Variants in GNA14 observed in about 807,000 individuals in gnomAD.
The protein encoded by GNA14 is guanine nucleotide-binding protein subunit alpha-14.
A neutral mutation model predicts 42.0 loss-of-function variants in GNA14; 50 were observed. The ratio of observed to expected loss-of-function variants is 1.19; its 90% confidence interval spans 0.95 to 1.51. The LOEUF (loss-of-function observed/expected upper bound fraction) is 1.51. GNA14 is among the 40% of genes most tolerant of loss of function. The pLI is 0.00. For synonymous variants in GNA14, 173 were observed against 163.1 expected (o/e 1.06, Z -0.46); for missense variants, 473 against 446.2 (o/e 1.06, Z -0.54).
At chr9:77,464,327 A>ATATATGTGTGTGTGTGTGTG (rs1465420274) in intron 2 of GNA14, among the ~76,000 whole-genome samples, 1 of 145,542 alleles carries the variant, frequency 6.9e-6, no homozygotes, top group East Asian at 2.1e-4. Flanking sequence ...GTGTGTGTAT[A>ATATATGTGTGTGTGTGTGTG]TATATGTGTG....
chr9:77,498,595 A>T (rs1331104288), intron 2 of GNA14, among the ~76,000 whole-genome samples: 6 of 152,168 alleles, frequency 3.9e-5, no homozygotes, highest in Admixed American at 3.9e-4. Flanking sequence ...AGTGCTCAAC[A>T]TGATGCCTGG....
intron 1 of GNA14, among the ~76,000 whole-genome samples, chr9:77,563,430 G>A (rs992933065): frequency 6.6e-6 from 1 of 152,168 alleles, no homozygotes; most frequent in Non-Finnish European, 1.5e-5. Context: ...ATGGCTGTAA[G>A]TCTTGCCAAA....
intron 1 of GNA14, among the ~76,000 whole-genome samples, chr9:77,534,237 T>C (rs975718466): frequency 1.3e-5 from 2 of 152,256 alleles, no homozygotes; most frequent in African/African-American, 4.8e-5. Flanking sequence ...ATGTGAAATT[T>C]ACCCGTTTAC....
intron 1 of GNA14, among the ~76,000 whole-genome samples, chr9:77,556,502 C>A (rs1487786793): frequency 6.6e-6 from 1 of 152,086 alleles, no homozygotes; most frequent in African/African-American, 2.4e-5. Context: ...AAAATGCATT[C>A]ATTATAAAGC....
At chr9:77,474,880 GA>G (rs1182395958) in intron 2 of GNA14, among the ~76,000 whole-genome samples, 1 of 152,020 alleles carries the variant, frequency 6.6e-6, no homozygotes, top group African/African-American at 2.4e-5. Flanking sequence ...TATGCTAAGT[GA>G]AAAAATCCAG....
At chr9:77,591,634 T>C (rs1427922284) in intron 1 of GNA14, among the ~76,000 whole-genome samples, 1 of 152,224 alleles carries the variant, frequency 6.6e-6, no homozygotes, top group Non-Finnish European at 1.5e-5. Flanking sequence ...TTCAGTACAG[T>C]AGTATGTCAT....
intron 1 of GNA14, among the ~76,000 whole-genome samples, chr9:77,562,764 T>G (rs751352505): frequency 6.6e-6 from 1 of 152,254 alleles, no homozygotes; most frequent in Non-Finnish European, 1.5e-5. Context: ...AATAACTTTA[T>G]GTTTAAAATT....
chr9:77,538,713 ATTTC>A (rs751396458), intron 1 of GNA14, among the ~76,000 whole-genome samples: 1 of 151,678 alleles, frequency 6.6e-6, no homozygotes, highest in Non-Finnish European at 1.5e-5. Flanking sequence ...TGCTTTCTTG[ATTTC>A]TTTTTCAGCT....
chr9:77,618,260 T>C (rs1421901795), intron 1 of GNA14, among the ~76,000 whole-genome samples: 1 of 152,126 alleles, frequency 6.6e-6, no homozygotes, highest in Non-Finnish European at 1.5e-5. Flanking sequence ...ATCATTTCAT[T>C]GTTGAATTAG....
At chr9:77,626,717 T>A (rs887619316) in intron 1 of GNA14, among the ~76,000 whole-genome samples, 16 of 152,302 alleles carry the variant, frequency 1.1e-4, no homozygotes, top group African/African-American at 3.8e-4. Context: ...CCAGAATCTC[T>A]GGGATACAGC....
rs563929517 is a variant in GNA14 at position 77,499,619 on chromosome 9, G to T, written c.309+29450C>A. Among the ~76,000 whole-genome samples the T allele has an allele frequency of 7.9e-5, 12 of 152,212 alleles. No individual in the cohort carries two copies. The South Asian group carries it at 2.3e-3, about 29-fold the overall frequency. ...TAATCCCAGCATTTTGGGAGGCTGAGGGGGGTGGATCAGCTGAGGCCAGGA... is the reference window on the plus strand; with the variant it reads ...TAATCCCAGCATTTTGGGAGGCTGATGGGGGTGGATCAGCTGAGGCCAGGA... On this transcript the variant is annotated intron_variant, in intron 2 of 6. Coordinates refer to ENST00000341700, the MANE Select transcript of GNA14 (RefSeq NM_004297.4).
chr9:77,574,170 A>C (rs1423326507), intron 1 of GNA14, among the ~76,000 whole-genome samples: 1 of 152,116 alleles, frequency 6.6e-6, no homozygotes, highest in Non-Finnish European at 1.5e-5. Context: ...AAGAGAGAGG[A>C]CCTACAGGAA....
intron 2 of GNA14, among the ~76,000 whole-genome samples, chr9:77,469,365 TAAAAAAAAA>T (rs10537760): frequency 3.4e-5 from 4 of 116,934 alleles, no homozygotes; most frequent in East Asian, 2.6e-4. Flanking sequence ...TAAACTGTGT[TAAAAAAAAA>T]AAAAAAAAAA....
At chr9:77,436,783 T>C (rs1388819503) in intron 2 of GNA14, among the ~76,000 whole-genome samples, 2 of 152,226 alleles carry the variant, frequency 1.3e-5, no homozygotes, top group Non-Finnish European at 2.9e-5. Flanking sequence ...CCTAGTGCAG[T>C]GCCTTCTATT....
Position 77,425,578 on chromosome 9 carries a change from A to G in GNA14, c.861T>C (p.Tyr287=), listed in dbSNP as rs371904055. 6.1e-5 allele frequency: 98 copies of G among 1,605,486 alleles called. No homozygotes were observed. The highest frequency in any genetic ancestry group is 8.5e-6 in the Non-Finnish European group (10 of 1,174,916). The stretch of plus-strand genomic sequence containing the variant: ...GACACTTACCTGTGTATTCTGGGAA[A>G]TAGCTAATTAGATGAGAGTACATGA... ...EKIMYSHLIS[Y]FPEYTGPKQD... is the part of the protein sequence containing the mutation. Residue 287 remains tyrosine (Y), a synonymous_variant, in exon 6 of 7, where the codon TAT becomes TAC. Coordinates refer to ENST00000341700, the MANE Select transcript of GNA14 (RefSeq NM_004297.4).
chr9:77,506,564 C>A (rs1837074214), intron 2 of GNA14, among the ~76,000 whole-genome samples: 1 of 152,006 alleles, frequency 6.6e-6, no homozygotes. Context: ...GTAGTCCCAG[C>A]TACTTGGGAG....
At chr9:77,447,160 G>T (rs977650899) in intron 2 of GNA14, among the ~76,000 whole-genome samples, 1 of 152,094 alleles carries the variant, frequency 6.6e-6, no homozygotes, top group Non-Finnish European at 1.5e-5. Context: ...AGCCAGGCTG[G>T]TCTCCAACTC....
chr9:77,537,875 T>A (rs1432246033), intron 1 of GNA14, among the ~76,000 whole-genome samples: 1 of 152,218 alleles, frequency 6.6e-6, no homozygotes, highest in Non-Finnish European at 1.5e-5. Context: ...GTATGCCTTC[T>A]TTTAAAAACA....
intron 2 of GNA14, among the ~76,000 whole-genome samples, chr9:77,481,564 T>C (rs1261954915): frequency 6.6e-6 from 1 of 152,192 alleles, no homozygotes; most frequent in African/African-American, 2.4e-5. Context: ...GTCTATTAGG[T>C]CTGCTTGGTG....
Sources: gnomAD v4.1 joint callset for allele counts (sites outside exome capture counted in the v4.1 genomes callset) on GRCh38, gnomAD v4.1.1 for gene constraint, MANE v1.5 for transcripts, NCBI Gene and HGNC (gene_info 2026-07-23, HGNC 2026-07-21) for gene names.